The following CCDC88C variants were observed in gnomAD, a reference collection of about 807,000 sequenced individuals.
The protein encoded by CCDC88C is protein Daple.
CCDC88C carries 131 observed loss-of-function variants against 198.8 expected under a neutral mutation model. The ratio of observed to expected loss-of-function variants is 0.66; its 90% CI spans 0.57 to 0.76. CCDC88C has a LOEUF of 0.76. CCDC88C is among the 30% of genes least tolerant of loss of function. CCDC88C has a pLI of 0.00. For synonymous variants in CCDC88C, 1,166 were observed against 1,114.7 expected (o/e 1.05, Z -0.92); for missense variants, 2,553 against 2,631.6 (o/e 0.97, Z 0.65).
chr14:91,321,735 T>A (rs1419402876), intron 12 of CCDC88C, among the ~76,000 whole-genome samples: 1 of 152,102 alleles, frequency 6.6e-6, no homozygotes, highest in African/African-American at 2.4e-5. Context: ...AACTGACCAC[T>A]CCCGTTGGCC....
intron 25 of CCDC88C, chr14:91,285,916 A>G (rs1452989231): frequency 1.2e-6 from 1 of 832,460 alleles, no homozygotes; most frequent in Non-Finnish European, 1.7e-6. Flanking sequence ...ATAATGACAA[A>G]TGAATCGAAA....
intron 10 of CCDC88C, among the ~76,000 whole-genome samples, chr14:91,336,954 G>A (rs926058593): frequency 2.0e-5 from 3 of 152,258 alleles, no homozygotes; most frequent in African/African-American, 7.2e-5. Context: ...AGGCCTTCTG[G>A]CTGGTAGGAG....
chr14:91,277,160 A>G (rs1244190904), intron 29 of CCDC88C, among the ~76,000 whole-genome samples: 4 of 151,954 alleles, frequency 2.6e-5, no homozygotes, highest in Non-Finnish European at 5.9e-5. Flanking sequence ...TGTAGAGACA[A>G]GTGTCTCTAC....
At chr14:91,398,192 T>C (rs1037254160) in intron 3 of CCDC88C, among the ~76,000 whole-genome samples, 5 of 152,194 alleles carry the variant, frequency 3.3e-5, no homozygotes, top group African/African-American at 9.7e-5. Context: ...CTGGACAGCA[T>C]TTCTTCTGAC....
Position 91,309,937 on chromosome 14 carries a change from T to G in CCDC88C, c.2786A>C (p.Asp929Ala). ...CTTCTCCAGTTCCTGGCTCAGCTTG[T>G]CCAGCTCACTGCTGAGCTGCTGGCT... ...LKSQQLSSEL[D>A]KLSQELEKVG... The change falls in exon 16 of 30, where the codon GAC becomes GCC. Residue 929 changes from aspartate (D) to alanine (A), a missense_variant. Physicochemically the swap from Asp to Ala is moderately radical, Grantham distance 126 (BLOSUM62 -2). Transcript: ENST00000389857. The G allele has an allele frequency of 6.2e-7, 1 of 1,606,902 alleles. No homozygotes were observed. Among genetic ancestry groups the G allele is most frequent in the Non-Finnish European group, 8.5e-7 (1 of 1,176,766 alleles).
chr14:91,279,309 G>C lies in CCDC88C; in HGVS notation c.4700-3C>G. On this transcript the variant is annotated splice_polypyrimidine_tract_variant and splice_region_variant and intron_variant, in intron 27 of 29. Transcript: ENST00000389857. ...CTCTAAGCTACTTGGCCGCGACACTGAAAGGAAATGGCAGTGTTAAAATTA... is the reference window on the plus strand; with the variant it reads ...CTCTAAGCTACTTGGCCGCGACACTCAAAGGAAATGGCAGTGTTAAAATTA... 1 of 1,595,250 alleles carries C rather than the reference G, an allele frequency of 6.3e-7. No individual in the cohort carries two copies. The highest frequency in any genetic ancestry group is 1.1e-5 in the South Asian group (1 of 88,114).
At chr14:91,331,400 G>A (rs561950900) in intron 10 of CCDC88C, among the ~76,000 whole-genome samples, 1 of 152,318 alleles carries the variant, frequency 6.6e-6, no homozygotes, top group African/African-American at 2.4e-5. Context: ...GGAGGGTGGA[G>A]GAGGGCAGAG....
At chr14:91,321,412 C>G (rs1472169545) in intron 12 of CCDC88C, 108 bp from the exon 13 acceptor site, 1 of 1,200,472 alleles carries the variant, frequency 8.3e-7, no homozygotes, top group African/African-American at 1.5e-5. Flanking sequence ...GTCTAAGGGG[C>G]TGGGGAGGAG....
At chr14:91,341,369 T>A (rs1893303321) in intron 6 of CCDC88C, among the ~76,000 whole-genome samples, 1 of 151,904 alleles carries the variant, frequency 6.6e-6, no homozygotes, top group Admixed American at 6.6e-5. Flanking sequence ...TGCCCCCTCC[T>A]CCCCCTGAGT....
intron 22 of CCDC88C, among the ~76,000 whole-genome samples, chr14:91,296,432 A>G (rs1891004457): frequency 6.6e-6 from 1 of 152,218 alleles, no homozygotes; most frequent in Non-Finnish European, 1.5e-5. Flanking sequence ...ACCTCCTGGA[A>G]GATCCTGACG....
At chr14:91,292,479 C>G (rs1038855631) in intron 23 of CCDC88C, among the ~76,000 whole-genome samples, 1 of 152,226 alleles carries the variant, frequency 6.6e-6, no homozygotes, top group Admixed American at 6.5e-5. Context: ...GTCATTTCCA[C>G]CCCACAATTA....
Position 91,297,464 on chromosome 14 carries a change from C to A in CCDC88C, c.3807G>T (p.Lys1269Asn). 6.4e-7 allele frequency: 1 copy of A among 1,566,880 alleles called. No homozygotes were observed. The highest frequency in any genetic ancestry group is 2.4e-5 in the East Asian group (1 of 42,066). ...DRVNFLHHQLKGEYEELHAHT... is the reference protein window; with the variant it reads ...DRVNFLHHQLNGEYEELHAHT... ...GGGCGTGCAGCTCCTCGTACTCCCC[C>A]TTCAGCTGGTGGTGCAGGAAATTGA... The change falls in exon 22 of 30, where the codon AAG becomes AAT. Residue 1269 changes from lysine to asparagine, a missense_variant. Lys to Asn is a moderately conservative substitution (Grantham distance 94). Around this residue, in one of 2 missense-constraint regions of CCDC88C, gnomAD observed 1,293 missense variants for 1,219.6 expected, o/e 1.06. Coordinates refer to ENST00000389857, the MANE Select transcript of CCDC88C (RefSeq NM_001080414.4).
chr14:91,359,639 C>A lies in CCDC88C; in HGVS notation c.340+3G>T. On this transcript the variant is annotated splice_donor_region_variant and intron_variant, in intron 4 of 29. Transcript: ENST00000389857. ...AGGGGAGAAGGGAGCGGCTTTCACT[C>A]ACCAGACAGTGGGTCTCTGCCAATC... 3.1e-6 allele frequency: 5 copies of A among 1,604,478 alleles called. No individual in the cohort carries two copies. The highest frequency in any genetic ancestry group is 3.4e-6 in the Non-Finnish European group (4 of 1,175,514).
At chr14:91,291,581 G>A (rs887831763) in intron 23 of CCDC88C, among the ~76,000 whole-genome samples, 6 of 152,134 alleles carry the variant, frequency 3.9e-5, no homozygotes, top group African/African-American at 1.4e-4. Context: ...AGCTTTCAGG[G>A]GCCAGAAAGA....
At chr14:91,366,171 C>G (rs890165566) in intron 3 of CCDC88C, among the ~76,000 whole-genome samples, 12 of 133,790 alleles carry the variant, frequency 9.0e-5, no homozygotes, top group African/African-American at 3.6e-4. Flanking sequence ...CACACACACA[C>G]ACACACACAC....
chr14:91,339,793 C>T lies in CCDC88C; in HGVS notation c.624+91G>A. ...CCCCACCAGAACCTCAGCAGCAGGACCGAGGCGTCTAGGCTGAAGATGAAG... is the reference window on the plus strand; with the variant it reads ...CCCCACCAGAACCTCAGCAGCAGGATCGAGGCGTCTAGGCTGAAGATGAAG... On this transcript the variant is annotated intron_variant, in intron 7 of 29. Coordinates refer to ENST00000389857, the MANE Select transcript of CCDC88C (RefSeq NM_001080414.4). This position sits in a 1 kb window ranked among gnomAD's most constrained non-coding sequence, Gnocchi z 5.8. The T allele has an allele frequency of 1.4e-6, 2 of 1,399,216 alleles. No homozygotes were observed. The highest frequency in any genetic ancestry group is 2.7e-5 in the Admixed American group (1 of 37,224). The allele number at this position is 1,399,216 out of a possible 1,614,324, so 86.7% of individuals were successfully genotyped here.
intron 4 of CCDC88C, among the ~76,000 whole-genome samples, chr14:91,353,943 G>A (rs1431932218): frequency 1.3e-5 from 2 of 152,236 alleles, no homozygotes; most frequent in African/African-American, 4.8e-5. Context: ...CATCAGGGCA[G>A]ACCAGTGACA....
intron 13 of CCDC88C, among the ~76,000 whole-genome samples, chr14:91,320,024 C>CAAAAAAAAAAA (rs61102058): frequency 1.7e-4 from 4 of 24,156 alleles, no homozygotes; most frequent in African/African-American, 3.2e-4. Context: ...AACTCAGTCT[C>CAAAAAAAAAAA]AAAAAAAAAA....
intron 2 of CCDC88C, among the ~76,000 whole-genome samples, chr14:91,411,315 G>A (rs1256957929): frequency 2.0e-5 from 3 of 152,080 alleles, no homozygotes; most frequent in South Asian, 4.1e-4. Flanking sequence ...AAGCTCACTG[G>A]GCTTCAGTGT....
Sources: allele counts gnomAD v4.1 joint callset (sites outside exome capture counted in the v4.1 genomes callset), GRCh38; gene constraint gnomAD v4.1.1; regional missense constraint gnomAD v4.1.1; non-coding constraint Gnocchi (gnomAD v3.1); transcripts MANE v1.5; gene names NCBI Gene and HGNC (gene_info 2026-07-23, HGNC 2026-07-21).